The following LIMS1 variants were observed in gnomAD, a reference collection of about 807,000 sequenced individuals.
The protein encoded by LIMS1 is LIM zinc finger domain containing 1, also known as LIM and senescent cell antigen-like-containing domain protein 1.
LIMS1 carries 18 observed loss-of-function variants against 44.1 expected under a neutral mutation model. The observed-to-expected ratio is 0.41, with a 90% CI of 0.28 to 0.61. The LOEUF is 0.61. Ranked by LOEUF, LIMS1 falls within the 20% of genes least tolerant of loss-of-function variation. The probability of loss-of-function intolerance (pLI) is 0.32; values close to 1 mark genes in which losing one functional copy is unlikely to be tolerated. For missense variants in LIMS1, 201 were observed against 422.0 expected, an observed-to-expected ratio of 0.48 and a Z score of 4.59; for synonymous variants, 93 against 149.1, an observed-to-expected ratio of 0.62 and a Z score of 2.74.
At chr2:108,603,477 A>G (rs1687117337) in intron 1 of LIMS1, among the ~76,000 whole-genome samples, 1 of 138,032 alleles carries the variant, frequency 7.2e-6, no homozygotes, top group Non-Finnish European at 1.5e-5. Context: ...ATCAGTTGTA[A>G]TGTCTCCTTT....
chr2:108,616,216 T>TC (rs1687924456), intron 1 of LIMS1, among the ~76,000 whole-genome samples: 1 of 145,588 alleles, frequency 6.9e-6, no homozygotes, highest in Non-Finnish European at 1.5e-5. Flanking sequence ...TTTTTTTTTT[T>TC]TTTTTGGATA....
At chr2:108,636,805 T>G (rs1279759973) in intron 1 of LIMS1, among the ~76,000 whole-genome samples, 2 of 152,082 alleles carry the variant, frequency 1.3e-5, no homozygotes, top group African/African-American at 4.8e-5. Context: ...AATGGAGAGC[T>G]CTGTGTGGGG....
At chr2:108,553,903 C>G (rs775978968) in intron 1 of LIMS1, among the ~76,000 whole-genome samples, 1 of 152,150 alleles carries the variant, frequency 6.6e-6, no homozygotes, top group Non-Finnish European at 1.5e-5. Context: ...CGGAGAACTT[C>G]GAATGATAGG....
chr2:108,622,291 G>A (rs766141116), intron 1 of LIMS1, among the ~76,000 whole-genome samples: 3 of 152,106 alleles, frequency 2.0e-5, no homozygotes, highest in Admixed American at 6.5e-5. Context: ...TGGCGGGAAG[G>A]CTATCTATAC....
chr2:108,547,162 A>G (rs1374907804), intron 1 of LIMS1, among the ~76,000 whole-genome samples: 2 of 152,224 alleles, frequency 1.3e-5, no homozygotes, highest in East Asian at 1.9e-4. Context: ...GTGCTTCCAC[A>G]CTTACTGATA....
At chr2:108,656,446 A>G (rs1362660422) in intron 1 of LIMS1, among the ~76,000 whole-genome samples, 4 of 152,212 alleles carry the variant, frequency 2.6e-5, no homozygotes, top group African/African-American at 9.6e-5. Context: ...ATCTGATGGT[A>G]GCTATAACTG....
At chr2:108,654,154 A>G (rs983332812) in intron 1 of LIMS1, among the ~76,000 whole-genome samples, 5 of 151,756 alleles carry the variant, frequency 3.3e-5, no homozygotes, top group Admixed American at 6.6e-5. Flanking sequence ...AGTTTGCCTG[A>G]CGTAGTTTCC....
At chr2:108,538,931 A>G (rs1684226581) in intron 1 of LIMS1, among the ~76,000 whole-genome samples, 1 of 152,104 alleles carries the variant, frequency 6.6e-6, no homozygotes, top group Admixed American at 6.5e-5. Flanking sequence ...ATCTGGGTTT[A>G]CCTTATGTTT....
chr2:108,650,761 T>A (rs1171982882), intron 1 of LIMS1, among the ~76,000 whole-genome samples: 3 of 152,218 alleles, frequency 2.0e-5, no homozygotes, highest in African/African-American at 7.2e-5. Context: ...CTGTTACAGA[T>A]CCTTATTCAC....
At chr2:108,680,933 G>C (rs1558845908) in intron 9 of LIMS1, 163 bp downstream of exon 9, 1 of 1,306,046 alleles carries the variant, frequency 7.7e-7, no homozygotes, top group African/African-American at 1.5e-5. Context: ...ACTGTTCCCT[G>C]TTCTTTCTTC....
At chr2:108,671,226 C>T (rs960208376) in intron 3 of LIMS1, among the ~76,000 whole-genome samples, 2 of 151,920 alleles carry the variant, frequency 1.3e-5, no homozygotes, top group Admixed American at 6.6e-5. Context: ...GGTGAAGTAT[C>T]GATGGTAAAA....
At chr2:108,581,890 T>C (rs1417097745) in intron 1 of LIMS1, among the ~76,000 whole-genome samples, 2 of 151,842 alleles carry the variant, frequency 1.3e-5, no homozygotes, top group East Asian at 1.9e-4. Context: ...TGAGCCAAGA[T>C]TGTGCCATTG....
At chr2:108,671,061 T>G in intron 3 of LIMS1, 1 of 550,332 alleles carries the variant, frequency 1.8e-6, no homozygotes. Context: ...ATCCCAGTTA[T>G]TCAAGAGGCT....
At chr2:108,583,840 GC>G (rs767550412) in intron 1 of LIMS1, among the ~76,000 whole-genome samples, 1 of 151,606 alleles carries the variant, frequency 6.6e-6, no homozygotes, top group African/African-American at 2.4e-5. Flanking sequence ...GACCACAGGC[GC>G]CCACCACCAC....
intron 1 of LIMS1, among the ~76,000 whole-genome samples, chr2:108,642,024 A>G (rs2148920365): frequency 6.6e-6 from 1 of 152,306 alleles, no homozygotes; most frequent in East Asian, 1.9e-4. Context: ...TTGGCATATG[A>G]TAATTTCACC....
At chr2:108,663,034 T>C (rs1412730683) in intron 2 of LIMS1, among the ~76,000 whole-genome samples, 1 of 152,244 alleles carries the variant, frequency 6.6e-6, no homozygotes, top group South Asian at 2.1e-4. Flanking sequence ...AATGAGATCC[T>C]TGTTTCCTAA....
In LIMS1 at chr2:108,673,319, CATG is replaced by C; in HGVS notation, c.530+292_530+294del. 10 of 491,056 alleles carry C rather than the reference CATG, an allele frequency of 2.0e-5. 1 individual carries two copies. The South Asian group carries it at 2.4e-4, about 12-fold the overall frequency. The allele number at this position is 491,056 out of a possible 1,614,324, so 30.4% of individuals were successfully genotyped here. A position where few individuals can be genotyped will look rare whatever the true frequency, so the allele number is the denominator to read the frequency against. ...GTATACGCATACCTCTAAAATTTCT[CATG>C]AGTCCCAGTATGCGTCTCCTGAGAA... On this transcript the variant is annotated intron_variant, in intron 5 of 9. Transcript: ENST00000544547.
intron 1 of LIMS1, among the ~76,000 whole-genome samples, chr2:108,547,118 T>A (rs1293119904): frequency 1.3e-5 from 2 of 152,230 alleles, no homozygotes; most frequent in African/African-American, 4.8e-5. Flanking sequence ...ATTGCAAAGG[T>A]GCAGTTAGAC....
At chr2:108,579,233 A>T (rs1685794644) in intron 1 of LIMS1, among the ~76,000 whole-genome samples, 1 of 152,156 alleles carries the variant, frequency 6.6e-6, no homozygotes, top group African/African-American at 2.4e-5. Flanking sequence ...ACAAAATGGT[A>T]ATTATGTTAT....
Sources: gnomAD v4.1 joint callset for allele counts (sites outside exome capture counted in the v4.1 genomes callset) on GRCh38, gnomAD v4.1.1 for gene constraint, MANE v1.5 for transcripts, NCBI Gene and HGNC (gene_info 2026-07-23, HGNC 2026-07-21) for gene names.